The following MYZAP variants were observed in gnomAD, a reference collection of about 807,000 sequenced individuals.
The protein encoded by MYZAP is GRINL1A complex locus upstream.
A neutral mutation model predicts 69.4 loss-of-function variants in MYZAP; 66 were observed. The observed-to-expected ratio is 0.95, with a 90% confidence interval of 0.78 to 1.17. MYZAP has a LOEUF of 1.17. Ranked by LOEUF, MYZAP falls within the 50% of genes most tolerant of loss-of-function variation. MYZAP has a pLI of 0.00. For missense variants in MYZAP, 611 were observed against 556.2 expected, an observed-to-expected ratio of 1.10 and a Z score of -0.99; for synonymous variants, 256 against 205.9, an observed-to-expected ratio of 1.24 and a Z score of -2.09.
rs114098634 is a variant in MYZAP at position 57,632,748 on chromosome 15, C to T, written c.804+189C>T. Among the ~76,000 whole-genome samples the T allele has an allele frequency of 5.4e-3, 823 of 152,270 alleles. 6 individuals are homozygous for T. The highest frequency in any genetic ancestry group is 0.019 in the African/African-American group (781 of 41,552). On this transcript the variant is annotated intron_variant, in intron 7 of 12. Coordinates refer to ENST00000267853, the MANE Select transcript of MYZAP (RefSeq NM_001018100.5). ...CTTCCCCTCTGCCTTTATTCATCCC[C>T]GTCTCTACTCAGAATAGCCCCTTGT...
At chr15:57,592,590 A>G (rs2033748455) in intron 1 of MYZAP, among the ~76,000 whole-genome samples, 1 of 152,104 alleles carries the variant, frequency 6.6e-6, no homozygotes, top group Non-Finnish European at 1.5e-5. Flanking sequence ...AAACCAGAAC[A>G]GCAGCCGGCC....
At chr15:57,602,178 A>G (rs1343436999) in intron 1 of MYZAP, among the ~76,000 whole-genome samples, 2 of 152,192 alleles carry the variant, frequency 1.3e-5, no homozygotes, top group African/African-American at 4.8e-5. Context: ...GAACCTGCCA[A>G]CCAGACTGGG....
At chr15:57,681,526 GTAATCCCAGCACTT>G (rs1417701608) in intron 12 of MYZAP, among the ~76,000 whole-genome samples, 1 of 152,248 alleles carries the variant, frequency 6.6e-6, no homozygotes, top group East Asian at 1.9e-4. Context: ...GCTCACGCCT[GTAATCCCAGCACTT>G]TGGGAGGCCG....
At chr15:57,659,110 A>G (rs2038150515) in intron 10 of MYZAP, among the ~76,000 whole-genome samples, 1 of 152,074 alleles carries the variant, frequency 6.6e-6, no homozygotes, top group Non-Finnish European at 1.5e-5. Flanking sequence ...ATGTTCTTTA[A>G]TATCTTTATA....
In MYZAP at chr15:57,602,793, G is replaced by A. The variant is rs149576734; in HGVS notation, c.76-1476G>A. Among the ~76,000 whole-genome samples, 31 of 152,226 alleles carry A rather than the reference G, an allele frequency of 2.0e-4. No individual in the cohort carries two copies. The East Asian group carries it at 5.8e-3, about 28-fold the overall frequency. On this transcript the variant is annotated intron_variant, in intron 1 of 12. Coordinates refer to ENST00000267853, the MANE Select transcript of MYZAP (RefSeq NM_001018100.5). ...CTTAGCTTCCTCATCTGAAAAATGG[G>A]GCAGGTAAGAGAATCTCTTACCATA...
chr15:57,594,190 A>G (rs1331391884), intron 1 of MYZAP, among the ~76,000 whole-genome samples: 1 of 152,178 alleles, frequency 6.6e-6, no homozygotes, highest in Non-Finnish European at 1.5e-5. Context: ...ATCTCGGCTC[A>G]CTGCAGCCTC....
At chr15:57,652,786 G>A (rs1595912854) in intron 10 of MYZAP, among the ~76,000 whole-genome samples, 1 of 152,134 alleles carries the variant, frequency 6.6e-6, no homozygotes, top group African/African-American at 2.4e-5. Flanking sequence ...CATTTCCCTG[G>A]ATTTCTAGGG....
intron 5 of MYZAP, 62 bp downstream of exon 5, chr15:57,625,954 C>T: frequency 6.8e-7 from 1 of 1,460,056 alleles, no homozygotes; most frequent in African/African-American, 1.4e-5. Context: ...GGGACTGTGC[C>T]TTTGCAGAAA....
At chr15:57,592,753 G>T (rs1302980981) in intron 1 of MYZAP, among the ~76,000 whole-genome samples, 2 of 152,174 alleles carry the variant, frequency 1.3e-5, no homozygotes, top group Non-Finnish European at 2.9e-5. Context: ...GTTTCTTTTT[G>T]ATCTTTGTGG....
chr15:57,664,314 T>C (rs1010194654), intron 11 of MYZAP, among the ~76,000 whole-genome samples: 6 of 152,202 alleles, frequency 3.9e-5, no homozygotes, highest in Non-Finnish European at 8.8e-5. Flanking sequence ...TATCACTGTC[T>C]TTAGCACTAT....
Position 57,633,728 on chromosome 15 carries a change from A to T in MYZAP, c.920A>T (p.Glu307Val), listed in dbSNP as rs1204116007. The change falls in exon 8 of 13, where the codon GAG (glutamate) becomes GTG (valine). Residue 307 changes from glutamate to valine, a missense_variant. By Grantham distance (121) the Glu-to-Val change is moderately radical (BLOSUM62 -2). Coordinates refer to ENST00000267853, the MANE Select transcript of MYZAP (RefSeq NM_001018100.5). ...QRIGELDRLI[E>V]RMEKERHQLQ... ...ATCGGGGAGCTGGACAGGCTGATTG[A>T]GCGCATGGAAAAGGTAGGACACAGC... is the stretch of plus-strand genomic sequence containing the variant. 6.2e-7 allele frequency: 1 copy of T among 1,607,620 alleles called. No individual in the cohort carries two copies.
chr15:57,610,563 T>C (rs1188919714), intron 2 of MYZAP, among the ~76,000 whole-genome samples: 1 of 152,156 alleles, frequency 6.6e-6, no homozygotes, highest in Non-Finnish European at 1.5e-5. Context: ...TGAACCCCTG[T>C]GGTGGTTGGG....
chr15:57,671,517 C>T (rs555466543), intron 11 of MYZAP, among the ~76,000 whole-genome samples: 128 of 152,106 alleles, frequency 8.4e-4, no homozygotes, highest in Non-Finnish European at 1.6e-3. Context: ...CTAAAAAACC[C>T]GTATGTTAGG....
chr15:57,596,829 T>C (rs1211167066), intron 1 of MYZAP, among the ~76,000 whole-genome samples: 4 of 152,220 alleles, frequency 2.6e-5, no homozygotes, highest in Non-Finnish European at 5.9e-5. Context: ...TCTCCTCTGA[T>C]GAGTGTTGTC....
At chr15:57,626,466 T>G (rs2036142372) in intron 5 of MYZAP, among the ~76,000 whole-genome samples, 1 of 152,220 alleles carries the variant, frequency 6.6e-6, no homozygotes, top group Non-Finnish European at 1.5e-5. Context: ...GGCATTGTTT[T>G]CTTGGTTGAT....
intron 8 of MYZAP, 98 bp downstream of exon 8, chr15:57,633,839 T>A: frequency 7.7e-7 from 1 of 1,293,892 alleles, no homozygotes; most frequent in Non-Finnish European, 9.9e-7. Context: ...TCCTCTCACC[T>A]CCAAAATTTG....
At chr15:57,644,648 T>C (rs1183913237) in intron 10 of MYZAP, among the ~76,000 whole-genome samples, 7 of 152,144 alleles carry the variant, frequency 4.6e-5, no homozygotes, top group African/African-American at 1.2e-4. Context: ...TTATTTTTTA[T>C]AGAGACAGGG....
chr15:57,665,487 C>A (rs1165881497), intron 11 of MYZAP, among the ~76,000 whole-genome samples: 1 of 152,242 alleles, frequency 6.6e-6, no homozygotes, highest in African/African-American at 2.4e-5. Context: ...CTGTGCTCCT[C>A]TTAGCCACAG....
intron 5 of MYZAP, among the ~76,000 whole-genome samples, chr15:57,626,855 G>A (rs1000100693): frequency 2.0e-5 from 3 of 152,210 alleles, no homozygotes; most frequent in Admixed American, 6.5e-5. Context: ...GGGTGGCCTC[G>A]TGTTTGGGGT....
Sources: gnomAD v4.1 joint callset for allele counts (sites outside exome capture counted in the v4.1 genomes callset) on GRCh38, gnomAD v4.1.1 for gene constraint, MANE v1.5 for transcripts, NCBI Gene and HGNC (gene_info 2026-07-23, HGNC 2026-07-21) for gene names.